SNTG1: variants seen among roughly 807,000 people sequenced by gnomAD.
The protein encoded by SNTG1 is syntrophin gamma 1.
SNTG1 carries 39 observed loss-of-function variants against 74.7 expected under a neutral mutation model. That is an observed-to-expected ratio of 0.52 (90% confidence interval 0.40 to 0.68). The LOEUF (loss-of-function observed/expected upper bound fraction) is 0.68. Ranked by LOEUF, SNTG1 falls within the 30% of genes least tolerant of loss-of-function variation. The probability of loss-of-function intolerance (pLI) is 0.00; values close to 1 mark genes in which losing one functional copy is unlikely to be tolerated. For missense variants in SNTG1, 685 were observed against 609.5 expected (o/e 1.12, Z -1.30); for synonymous variants, 254 against 217.1 (o/e 1.17, Z -1.49).
intron 2 of SNTG1, among the ~76,000 whole-genome samples, chr8:50,374,613 CTT>C (rs956022978): frequency 6.6e-6 from 1 of 152,180 alleles, no homozygotes; most frequent in African/African-American, 2.4e-5. Context: ...GGTCTTTAAA[CTT>C]TGCTCCGCAG....
At chr8:50,653,690 C>T (rs1156270934) in intron 13 of SNTG1, among the ~76,000 whole-genome samples, 1 of 152,070 alleles carries the variant, frequency 6.6e-6, no homozygotes, top group Non-Finnish European at 1.5e-5. Flanking sequence ...AAGTGATTAC[C>T]TGAAAGATCA....
At chr8:50,566,704 G>A (rs549052094) in intron 12 of SNTG1, among the ~76,000 whole-genome samples, 18 of 147,524 alleles carry the variant, frequency 1.2e-4, no homozygotes, top group Middle Eastern at 6.9e-3. Context: ...AGGGAGCAAA[G>A]TCTACTGTTT....
At chr8:50,726,297 C>A (rs931475187) in intron 17 of SNTG1, among the ~76,000 whole-genome samples, 1 of 152,104 alleles carries the variant, frequency 6.6e-6, no homozygotes, top group African/African-American at 2.4e-5. Context: ...TGCTATGGAG[C>A]AGTTAGTAAG....
intron 1 of SNTG1, among the ~76,000 whole-genome samples, chr8:50,076,673 C>T (rs1036221370): frequency 2.0e-5 from 3 of 151,966 alleles, no homozygotes; most frequent in Admixed American, 2.0e-4. Context: ...ATGTAGGCAC[C>T]TTATTTTTCT....
intron 4 of SNTG1, among the ~76,000 whole-genome samples, chr8:50,435,630 G>A (rs928486821): frequency 7.9e-5 from 12 of 152,108 alleles, no homozygotes; most frequent in Admixed American, 4.6e-4. Flanking sequence ...AGTGACCAAT[G>A]TGCAATCTTG....
In SNTG1 at chr8:50,794,809, A is replaced by C. The variant is rs2095700898; in HGVS notation, c.*1980A>C. On this transcript the variant is annotated 3_prime_UTR_variant, in exon 19 of 19. Coordinates refer to ENST00000642720, the MANE Select transcript of SNTG1 (RefSeq NM_018967.5). ...ATATGACATGGGCTAATTATCCATA[A>C]GCAAAAGAAAAACGTTTCAACAGTT... 6 of 152,194 alleles carry C rather than the reference A, an allele frequency of 3.9e-5. No individual in the cohort carries two copies. In the South Asian group the frequency reaches 1.2e-3, roughly 32 times the overall value. The allele number at this position is 152,194 out of a possible 1,614,324, so 9.4% of individuals were successfully genotyped here. A position where few individuals can be genotyped will look rare whatever the true frequency, so the allele number is the denominator to read the frequency against.
intron 1 of SNTG1, among the ~76,000 whole-genome samples, chr8:50,161,709 T>C (rs140382946): frequency 5.3e-4 from 80 of 151,718 alleles, no homozygotes; most frequent in African/African-American, 1.5e-3. Context: ...TGAAAGCCCT[T>C]GTCTAGTGAG....
intron 8 of SNTG1, among the ~76,000 whole-genome samples, chr8:50,452,494 C>T (rs1192715936): frequency 6.6e-6 from 1 of 152,168 alleles, no homozygotes; most frequent in Admixed American, 6.5e-5. Flanking sequence ...TTTAAAACCA[C>T]ATGCTGTTAG....
At chr8:50,678,028 C>T (rs912004084) in intron 15 of SNTG1, among the ~76,000 whole-genome samples, 9 of 151,714 alleles carry the variant, frequency 5.9e-5, no homozygotes, top group Admixed American at 5.3e-4. Context: ...ATAGGTGCAG[C>T]AAACCACCAT....
At position 49,958,061 on chromosome 8, in the gene SNTG1, A is replaced by G. The variant is rs182254937; in HGVS notation, c.-103+45830A>G. 3.3e-5 allele frequency among the ~76,000 whole-genome samples: 5 copies of G among 152,290 alleles called. No individual in the cohort carries two copies. In the East Asian group the frequency reaches 9.7e-4, roughly 29 times the overall value. On this transcript the variant is annotated intron_variant, in intron 1 of 18. Coordinates refer to ENST00000642720, the MANE Select transcript of SNTG1 (RefSeq NM_018967.5). The stretch of plus-strand genomic sequence containing the variant: ...AATGCTTGAACTTCCACAGTTAAAG[A>G]TTTAACTCTTCAGTGTTGGTAAGAG...
intron 2 of SNTG1, among the ~76,000 whole-genome samples, chr8:50,210,991 A>G (rs1361144526): frequency 6.6e-6 from 1 of 152,150 alleles, no homozygotes; most frequent in Non-Finnish European, 1.5e-5. Context: ...AGTGTAATTT[A>G]TGCATTGGTA....
chr8:49,964,651 C>T (rs142674655), intron 1 of SNTG1, among the ~76,000 whole-genome samples: 25 of 152,284 alleles, frequency 1.6e-4, no homozygotes, highest in Middle Eastern at 3.4e-3. Flanking sequence ...GGAACAGGTG[C>T]GTTCTACTCA....
chr8:49,952,831 A>C (rs778689332), intron 1 of SNTG1, among the ~76,000 whole-genome samples: 9 of 152,198 alleles, frequency 5.9e-5, no homozygotes, highest in Non-Finnish European at 1.3e-4. Flanking sequence ...GAAGAAACCA[A>C]GGTGGACCTT....
chr8:50,512,680 T>G (rs1332337333), intron 9 of SNTG1, among the ~76,000 whole-genome samples: 3 of 152,254 alleles, frequency 2.0e-5, no homozygotes, highest in African/African-American at 7.2e-5. Flanking sequence ...CTTCCATCCT[T>G]GATACCCTTT....
intron 13 of SNTG1, among the ~76,000 whole-genome samples, chr8:50,604,074 A>C (rs10087631): frequency 0.23 from 34,307 of 152,066 alleles, 8,718 homozygotes; most frequent in African/African-American, 0.62. Context: ...TACCTCCATG[A>C]CCCAGAAGGG....
chr8:50,193,843 C>T (rs1193997661), intron 2 of SNTG1, among the ~76,000 whole-genome samples: 1 of 152,094 alleles, frequency 6.6e-6, no homozygotes, highest in Middle Eastern at 3.4e-3. Context: ...AAGGTATGTC[C>T]CTTGTATGCT....
chr8:50,203,748 ATG>A (rs780823502), intron 2 of SNTG1, among the ~76,000 whole-genome samples: 40 of 151,496 alleles, frequency 2.6e-4, no homozygotes, highest in South Asian at 2.5e-3. Context: ...AGAATTAAAT[ATG>A]TGTGTGTGTG....
chr8:50,218,535 C>A (rs771125151), intron 2 of SNTG1, among the ~76,000 whole-genome samples: 4 of 151,430 alleles, frequency 2.6e-5, no homozygotes, highest in Admixed American at 6.6e-5. Flanking sequence ...GCTTAATAAT[C>A]AGTATTACAT....
chr8:49,993,126 A>G (rs1364051188), intron 1 of SNTG1, among the ~76,000 whole-genome samples: 1 of 152,158 alleles, frequency 6.6e-6, no homozygotes, highest in African/African-American at 2.4e-5. Flanking sequence ...AGAATGATAC[A>G]TAAGGGTTTT....
Sources: gnomAD v4.1 joint callset for allele counts (sites outside exome capture counted in the v4.1 genomes callset) on GRCh38, gnomAD v4.1.1 for gene constraint, MANE v1.5 for transcripts, NCBI Gene and HGNC (gene_info 2026-07-23, HGNC 2026-07-21) for gene names.